Variants in PLXND1 observed in about 807,000 individuals in gnomAD.
The protein encoded by PLXND1 is plexin-D1.
PLXND1 carries 54 observed loss-of-function variants against 197.7 expected under a neutral mutation model. That is an observed-to-expected ratio of 0.27 (90% CI 0.22 to 0.34). The LOEUF (loss-of-function observed/expected upper bound fraction) is 0.34. Ranked by LOEUF, PLXND1 falls within the 10% of genes least tolerant of loss-of-function variation. The pLI is 1.00. For missense variants in PLXND1, 2,127 were observed against 2,699.2 expected (o/e 0.79, Z 4.70); for synonymous variants, 1,180 against 1,161.2 (o/e 1.02, Z -0.33).
chr3:129,557,214 T>C lies in PLXND1; in HGVS notation c.5455A>G (p.Thr1819Ala). The C allele has an allele frequency of 6.2e-7, 1 of 1,614,126 alleles. No homozygotes were observed. The highest frequency in any genetic ancestry group is 8.5e-7 in the Non-Finnish European group (1 of 1,180,024). ...SDLQLGKDSP[T>A]NKLLYAKEIP... ...TCCTTGGCGTAGAGGAGCTTGTTGG[T>C]TGGCGAATCCTGGGCAGAGAAGAGC... is the stretch of plus-strand genomic sequence containing the variant. Residue 1819 changes from threonine (T) to alanine (A), a missense_variant, in exon 34 of 36, where the codon ACC (threonine) becomes GCC (alanine). Thr to Ala is a moderately conservative substitution (Grantham distance 58). Around this residue, in one of 6 missense-constraint regions of PLXND1, gnomAD observed 200 missense variants for 303.3 expected, o/e 0.66. Coordinates refer to ENST00000324093, the MANE Select transcript of PLXND1 (RefSeq NM_015103.3). The surrounding 1 kb of genome is among the most constrained non-coding windows in gnomAD (Gnocchi z 4.8).
chr3:129,570,889 T>G lies in PLXND1; in HGVS notation c.3647A>C (p.Lys1216Thr). 1 of 1,614,206 alleles carries G rather than the reference T, an allele frequency of 6.2e-7. No individual in the cohort carries two copies. The highest frequency in any genetic ancestry group is 8.5e-7 in the Non-Finnish European group (1 of 1,180,016). The change falls in exon 19 of 36, where the codon AAG becomes ACG. Residue 1216 changes from lysine to threonine, a missense_variant. Around this residue, in one of 6 missense-constraint regions of PLXND1, gnomAD observed 532 missense variants for 811.0 expected, o/e 0.66. Transcript: ENST00000324093. Reference sequence around the variant, plus strand: ...GATGTCGCAGCTTACTTGGCCTATCTTGACCCGGTACTCGTGACTCTGGAG... The same window carrying G: ...GATGTCGCAGCTTACTTGGCCTATCGTGACCCGGTACTCGTGACTCTGGAG... ...LGLQSHEYRVKIGQVSCDIQI... is the reference protein window; with the variant it reads ...LGLQSHEYRVTIGQVSCDIQI...
At chr3:129,580,985 C>T (rs2085379735) in intron 8 of PLXND1, among the ~76,000 whole-genome samples, 1 of 152,136 alleles carries the variant, frequency 6.6e-6, no homozygotes, top group African/African-American at 2.4e-5. Context: ...CACACATCCA[C>T]CTTCCTCCCA....
At chr3:129,566,417 C>T (rs1403691796) in intron 23 of PLXND1, 110 bp downstream of exon 23, 16 of 737,548 alleles carry the variant, frequency 2.2e-5, no homozygotes, top group Non-Finnish European at 3.2e-5. Context: ...CAGATGCCTC[C>T]CAACTCCGCA....
intron 1 of PLXND1, among the ~76,000 whole-genome samples, chr3:129,593,427 GC>G (rs1387754642): frequency 6.6e-6 from 1 of 152,126 alleles, no homozygotes; most frequent in East Asian, 1.9e-4. Context: ...GCACTTCAGC[GC>G]CCCCGGTGTC....
At chr3:129,571,455 C>A in intron 17 of PLXND1, 54 bp downstream of exon 17, 16 of 1,564,698 alleles carry the variant, frequency 1.0e-5, no homozygotes, top group Non-Finnish European at 1.4e-5. Flanking sequence ...CAGTTAGGGC[C>A]CTGGCTGTGC....
At chr3:129,563,839 C>G (rs2085098805) in intron 25 of PLXND1, among the ~76,000 whole-genome samples, 1 of 152,264 alleles carries the variant, frequency 6.6e-6, no homozygotes, top group Non-Finnish European at 1.5e-5. Context: ...AGGTGTTCCA[C>G]TGGGATAGTT....
chr3:129,596,797 G>T (rs1007392673), intron 1 of PLXND1, among the ~76,000 whole-genome samples: 1 of 152,222 alleles, frequency 6.6e-6, no homozygotes, highest in African/African-American at 2.4e-5. Flanking sequence ...TCTGCAGCAG[G>T]ACTCTACCGC....
chr3:129,588,160 G>A (rs146951309), intron 2 of PLXND1, among the ~76,000 whole-genome samples: 76 of 152,368 alleles, frequency 5.0e-4, no homozygotes, highest in Non-Finnish European at 8.7e-4. Flanking sequence ...AGGCTGTGGC[G>A]GGGTGTGGGC....
intron 12 of PLXND1, among the ~76,000 whole-genome samples, 158 bp downstream of exon 12, chr3:129,574,178 T>C (rs2085276584): frequency 3.9e-5 from 6 of 152,228 alleles, no homozygotes. Context: ...AAACATCAGC[T>C]CTGTGAGGCA....
chr3:129,569,008 A>C (rs1336761456), intron 20 of PLXND1, among the ~76,000 whole-genome samples: 2 of 152,220 alleles, frequency 1.3e-5, no homozygotes, highest in East Asian at 3.8e-4. Context: ...TTCTGTCTCT[A>C]TGAATTTCCC....
At chr3:129,568,548 TTTTC>T (rs963655696) in intron 20 of PLXND1, among the ~76,000 whole-genome samples, 12 of 152,256 alleles carry the variant, frequency 7.9e-5, no homozygotes, top group African/African-American at 2.6e-4. Context: ...CAATGGTTTC[TTTTC>T]TTTCTTTTTT....
chr3:129,572,143 C>T (rs955091519), intron 15 of PLXND1, among the ~76,000 whole-genome samples: 2 of 152,212 alleles, frequency 1.3e-5, no homozygotes, highest in Admixed American at 1.3e-4. Flanking sequence ...CCTAGCCCCA[C>T]TGGATGTTCC....
In PLXND1 at chr3:129,571,484, C is replaced by T. The variant is rs139732472; in HGVS notation, c.3336+25G>A. 7,005 of 1,602,760 alleles carry T rather than the reference C, an allele frequency of 4.4e-3. 31 individuals carry two copies. Among genetic ancestry groups the T allele is most frequent in the Middle Eastern group, 0.022 (133 of 6,036 alleles). ...GCTGTGCCTGGGCCACCCCCTCCCA[C>T]CCATCAGGCCCCCGAATGCCTCACC... On this transcript the variant is annotated intron_variant, in intron 17 of 35. Transcript: ENST00000324093.
At position 129,605,911 on chromosome 3, in the gene PLXND1, C is replaced by A; in HGVS notation, c.729G>T (p.Leu243=). 1 of 1,613,216 alleles carries A rather than the reference C, an allele frequency of 6.2e-7. No individual in the cohort carries two copies. ...GCTTGGCCAGGTCGCCGCGCGTGTCCAGGGAGCGGATGGCGATCTCGGGCG... is the reference window on the plus strand; with the variant it reads ...GCTTGGCCAGGTCGCCGCGCGTGTCAAGGGAGCGGATGGCGATCTCGGGCG... ...ENTPEIAIRS[L]DTRGDLAKLF... is the part of the protein sequence containing the mutation. The change falls in exon 1 of 36, where the codon CTG becomes CTT. Residue 243 remains leucine, a synonymous_variant. Coordinates refer to ENST00000324093, the MANE Select transcript of PLXND1 (RefSeq NM_015103.3).
chr3:129,555,479 G>C lies in PLXND1; in HGVS notation c.*833C>G. 1.5e-6 allele frequency: 1 copy of C among 681,104 alleles called. No individual in the cohort carries two copies. Among genetic ancestry groups the C allele is most frequent in the Non-Finnish European group, 2.6e-6 (1 of 379,630 alleles). 42.2% of individuals were successfully genotyped at this position (681,104 alleles called of 1,614,324 possible). On this transcript the variant is annotated 3_prime_UTR_variant, in exon 36 of 36. Transcript: ENST00000324093. ...GGGGAGCCTCTCGGGACCCCTCCCC[G>C]GGTCCTCTGCGCAAGCGGCAGCTAT...
chr3:129,557,932 A>G lies in PLXND1; in HGVS notation c.5445+496T>C, dbSNP rs1338407164. Among the ~76,000 whole-genome samples, 1 of 152,010 alleles carries G rather than the reference A, an allele frequency of 6.6e-6. No homozygotes were observed. Among genetic ancestry groups the G allele is most frequent in the African/African-American group, 2.4e-5 (1 of 41,344 alleles). On this transcript the variant is annotated intron_variant, in intron 33 of 35. Transcript: ENST00000324093. The surrounding 1 kb of genome is among the most constrained non-coding windows in gnomAD (Gnocchi z 4.8). ...TGGAAGGCCATCCTCTTTCATCTTC[A>G]ACCTCTAAAGCCAGACACAGCCTTG... is the stretch of plus-strand genomic sequence containing the variant.
chr3:129,589,310 T>TGCCCCCCCCCCCCCCC, intron 2 of PLXND1, 41 bp downstream of exon 2: 8 of 501,288 alleles, frequency 1.6e-5, no homozygotes, highest in East Asian at 5.1e-5. Flanking sequence ...CAGGGGAGCC[T>TGCCCCCCCCCCCCCCC]CCCACCCCCA....
intron 22 of PLXND1, 49 bp downstream of exon 22, chr3:129,567,443 C>T: frequency 8.9e-7 from 1 of 1,120,248 alleles, no homozygotes; most frequent in Non-Finnish European, 1.3e-6. Context: ...GGTCGAGTTG[C>T]CTTGAGGTGG....
chr3:129,586,443 G>A (rs1258795733), intron 3 of PLXND1, 145 bp downstream of exon 3: 2 of 1,123,454 alleles, frequency 1.8e-6, no homozygotes, highest in African/African-American at 3.1e-5. Context: ...TCGGTGTTGG[G>A]AGGCGCAGGA....
Sources: gnomAD v4.1 joint callset for allele counts (sites outside exome capture counted in the v4.1 genomes callset) on GRCh38, gnomAD v4.1.1 for gene constraint, gnomAD v4.1.1 regional missense constraint, Gnocchi (gnomAD v3.1) non-coding constraint, MANE v1.5 for transcripts, NCBI Gene and HGNC (gene_info 2026-07-23, HGNC 2026-07-21) for gene names.